GLYATL2: variants seen among roughly 807,000 people sequenced by gnomAD.
The protein encoded by GLYATL2 is glycine-N-acyltransferase like 2, also known as glycine N-acyltransferase-like protein 2.
Under a neutral mutation model 21.4 loss-of-function variants are expected in GLYATL2, and 25 were observed. That is an observed-to-expected ratio of 1.17 (90% CI 0.85 to 1.63). The LOEUF (loss-of-function observed/expected upper bound fraction) is 1.63. Among genes scored for constraint, GLYATL2 ranks in the 40% most tolerant of loss-of-function variants. The probability of loss-of-function intolerance (pLI) is 0.00; values close to 1 mark genes in which losing one functional copy is unlikely to be tolerated. For missense variants in GLYATL2, 361 were observed against 343.3 expected, an observed-to-expected ratio of 1.05 and a Z score of -0.41; for synonymous variants, 114 against 118.2, an observed-to-expected ratio of 0.96 and a Z score of 0.23.
Position 58,834,306 on chromosome 11 carries a change from C to G in GLYATL2, c.*123G>C, listed in dbSNP as rs1853383760. 1.4e-6 allele frequency: 1 copy of G among 722,928 alleles called. No individual in the cohort carries two copies. The highest frequency in any genetic ancestry group is 2.2e-6 in the Non-Finnish European group (1 of 463,476). The allele number at this position is 722,928 out of a possible 1,614,324, so 44.8% of individuals were successfully genotyped here. On this transcript the variant is annotated 3_prime_UTR_variant, in exon 6 of 6. Coordinates refer to ENST00000287275, the MANE Select transcript of GLYATL2 (RefSeq NM_145016.4). Reference sequence around the variant, plus strand: ...GGAAGGTAAAACTGTTAAGGGTGAGCTTAAGTAATACACAGATCCTAGATA... The same window carrying G: ...GGAAGGTAAAACTGTTAAGGGTGAGGTTAAGTAATACACAGATCCTAGATA...
chr11:58,851,948 G>C (rs1322148511), intron 1 of GLYATL2, among the ~76,000 whole-genome samples: 1 of 152,204 alleles, frequency 6.6e-6, no homozygotes, highest in Non-Finnish European at 1.5e-5. Context: ...TTCAAAGGTA[G>C]AGTTTGCAGA....
At chr11:58,839,764 T>C (rs1328671967) in intron 1 of GLYATL2, 112 bp from the exon 2 acceptor site, 11 of 476,066 alleles carry the variant, frequency 2.3e-5, no homozygotes, top group Non-Finnish European at 4.1e-5. Flanking sequence ...AGTGATGGGC[T>C]TTAGAAATTA....
intron 1 of GLYATL2, among the ~76,000 whole-genome samples, chr11:58,886,280 C>T (rs1476453124): frequency 1.2e-4 from 19 of 152,116 alleles, no homozygotes; most frequent in Admixed American, 1.0e-3. Flanking sequence ...TACTGTGTGT[C>T]AACTATATGG....
chr11:58,838,438 A>C, intron 2 of GLYATL2, 70 bp from the exon 3 acceptor site: 1 of 986,606 alleles, frequency 1.0e-6, no homozygotes, highest in Non-Finnish European at 1.6e-6. Context: ...TATGTGGAGA[A>C]ATAAGACATG....
At chr11:58,843,422 A>G (rs1442942649) in intron 1 of GLYATL2, among the ~76,000 whole-genome samples, 1 of 152,206 alleles carries the variant, frequency 6.6e-6, no homozygotes, top group Non-Finnish European at 1.5e-5. Context: ...GTAAAGATGG[A>G]CACTATGATT....
At chr11:58,903,679 C>CAAAAT (rs775988398) in intron 1 of GLYATL2, among the ~76,000 whole-genome samples, 16 of 152,048 alleles carry the variant, frequency 1.1e-4, no homozygotes, top group South Asian at 4.2e-4. Context: ...TCTCAAAAAA[C>CAAAAT]AAAATAAAAT....
chr11:58,864,987 T>C (rs1182957918), intron 1 of GLYATL2, among the ~76,000 whole-genome samples: 1 of 148,872 alleles, frequency 6.7e-6, no homozygotes, highest in Non-Finnish European at 1.5e-5. Context: ...ATAATAACAA[T>C]AAATAGAGCA....
intron 1 of GLYATL2, chr11:58,885,462 A>G: frequency 2.0e-6 from 1 of 509,460 alleles, no homozygotes; most frequent in Non-Finnish European, 3.9e-6. Context: ...CACATCAATC[A>G]TAGGAACCCC....
At chr11:58,905,608 A>G (rs1448051489), upstream of GLYATL2, 3 of 456,174 alleles carry the variant, frequency 6.6e-6, no homozygotes, top group African/African-American at 6.0e-5. Context: ...ACTGGGAGAC[A>G]GGGGACGCCG....
upstream of GLYATL2, among the ~76,000 whole-genome samples, chr11:58,845,380 C>T (rs1477905166): frequency 3.3e-5 from 5 of 152,100 alleles, no homozygotes; most frequent in East Asian, 3.9e-4. Flanking sequence ...GCAGGAGGGT[C>T]GCTTGAGGGC....
intron 1 of GLYATL2, among the ~76,000 whole-genome samples, chr11:58,888,060 T>C (rs1000861585): frequency 5.9e-5 from 9 of 152,190 alleles, no homozygotes; most frequent in African/African-American, 2.2e-4. Context: ...TAGATTTAAT[T>C]TGCATTTCCC....
intron 1 of GLYATL2, among the ~76,000 whole-genome samples, chr11:58,856,936 A>C (rs1394722548): frequency 6.6e-6 from 1 of 152,208 alleles, no homozygotes; most frequent in Non-Finnish European, 1.5e-5. Flanking sequence ...GTTGACACAA[A>C]CTTTTTATAT....
intron 1 of GLYATL2, among the ~76,000 whole-genome samples, chr11:58,858,568 C>G (rs939632791): frequency 6.6e-6 from 1 of 152,096 alleles, no homozygotes; most frequent in African/African-American, 2.4e-5. Context: ...TATTTACTAT[C>G]CACTACTCTT....
At chr11:58,875,979 T>C (rs1248686660) in intron 1 of GLYATL2, among the ~76,000 whole-genome samples, 2 of 152,184 alleles carry the variant, frequency 1.3e-5, no homozygotes, top group African/African-American at 4.8e-5. Flanking sequence ...CTTGGAGGCT[T>C]TGTTCATTTC....
chr11:58,860,826 T>A (rs1432777233), intron 1 of GLYATL2, among the ~76,000 whole-genome samples: 1 of 152,220 alleles, frequency 6.6e-6, no homozygotes, highest in Non-Finnish European at 1.5e-5. Flanking sequence ...GTGAGCTTTA[T>A]CAAATGCTTT....
At chr11:58,881,397 T>A (rs1367749738) in intron 1 of GLYATL2, among the ~76,000 whole-genome samples, 1 of 152,226 alleles carries the variant, frequency 6.6e-6, no homozygotes, top group Non-Finnish European at 1.5e-5. Context: ...TTCTAAGAAT[T>A]CTGAATGTTA....
chr11:58,903,793 C>A (rs571588462), intron 1 of GLYATL2, among the ~76,000 whole-genome samples: 1 of 152,218 alleles, frequency 6.6e-6, no homozygotes, highest in East Asian at 1.9e-4. Flanking sequence ...ATGCTCTTCT[C>A]TCCCAAGTTC....
chr11:58,879,393 C>T (rs893081391), intron 1 of GLYATL2, among the ~76,000 whole-genome samples: 1 of 152,084 alleles, frequency 6.6e-6, no homozygotes, highest in African/African-American at 2.4e-5. Flanking sequence ...ATTATAATTG[C>T]TTTTCTATAG....
upstream of GLYATL2, among the ~76,000 whole-genome samples, chr11:58,846,830 C>T (rs72913216): frequency 0.16 from 24,294 of 151,934 alleles, 2,219 homozygotes; most frequent in African/African-American, 0.25. Flanking sequence ...ACTGGGGGGA[C>T]ACTTGACATA....
Sources: gnomAD v4.1 joint callset for allele counts (sites outside exome capture counted in the v4.1 genomes callset) on GRCh38, gnomAD v4.1.1 for gene constraint, MANE v1.5 for transcripts, NCBI Gene and HGNC (gene_info 2026-07-23, HGNC 2026-07-21) for gene names.